ROR1: variants seen among roughly 807,000 people sequenced by gnomAD.
ROR1 encodes inactive tyrosine-protein kinase transmembrane receptor ROR1.
A neutral mutation model predicts 78.8 loss-of-function variants in ROR1; 19 were observed. That is an observed-to-expected ratio of 0.24 (90% CI 0.17 to 0.35). ROR1 has a LOEUF of 0.35. Among genes scored for constraint, ROR1 ranks in the 10% least tolerant of loss-of-function variants. ROR1 has a pLI of 1.00. For missense variants in ROR1, 917 were observed against 1,177.8 expected (o/e 0.78, Z 3.24); for synonymous variants, 386 against 433.6 (o/e 0.89, Z 1.36).
rs1017972339 is a variant in ROR1, at chr1:64,181,273, C to A, written c.*2418C>A. ...ATATATAATGGCAATTTTCAGATAT[C>A]TCACCTTACCATATCTTTCCTTATT... On this transcript the variant is annotated 3_prime_UTR_variant, in exon 9 of 9. Transcript: ENST00000371079. 3.3e-5 allele frequency: 5 copies of A among 152,052 alleles called. No individual in the cohort carries two copies. Among genetic ancestry groups the A allele is most frequent in the Admixed American group, 6.5e-5 (1 of 15,276 alleles). The allele number at this position is 152,052 out of a possible 1,614,324, so 9.4% of individuals were successfully genotyped here.
At chr1:63,926,087 T>C (rs1353126411) in intron 1 of ROR1, among the ~76,000 whole-genome samples, 3 of 152,198 alleles carry the variant, frequency 2.0e-5, no homozygotes, top group South Asian at 2.1e-4. Context: ...GAAGTCCTTG[T>C]CCATGCCTAA....
At chr1:63,802,125 C>T (rs978011511) in intron 1 of ROR1, among the ~76,000 whole-genome samples, 16 of 152,140 alleles carry the variant, frequency 1.1e-4, no homozygotes, top group Non-Finnish European at 1.8e-4. Flanking sequence ...AGCAACAACT[C>T]GTCTTATACT....
intron 8 of ROR1, among the ~76,000 whole-genome samples, chr1:64,160,507 C>T (rs1406176070): frequency 6.6e-6 from 1 of 151,850 alleles, no homozygotes; most frequent in Non-Finnish European, 1.5e-5. Context: ...TCCTGAAGAC[C>T]ATAGAGTTCA....
At chr1:63,965,322 AAG>A (rs1646065015) in intron 1 of ROR1, among the ~76,000 whole-genome samples, 3 of 152,280 alleles carry the variant, frequency 2.0e-5, no homozygotes, top group African/African-American at 7.2e-5. Flanking sequence ...GCTGGACCAG[AAG>A]AGTGAGACCA....
chr1:64,007,281 G>C (rs897112933), intron 1 of ROR1, among the ~76,000 whole-genome samples: 2 of 152,090 alleles, frequency 1.3e-5, no homozygotes, highest in African/African-American at 4.8e-5. Flanking sequence ...ACACTGGATT[G>C]AAGTAGGAGG....
intron 1 of ROR1, among the ~76,000 whole-genome samples, chr1:63,927,873 C>A (rs578245895): frequency 3.3e-5 from 5 of 152,118 alleles, no homozygotes; most frequent in African/African-American, 1.2e-4. Context: ...TTGGTTGATG[C>A]TCTTTTCAAT....
intron 4 of ROR1, among the ~76,000 whole-genome samples, chr1:64,072,494 T>C (rs1647012387): frequency 6.6e-6 from 1 of 152,156 alleles, no homozygotes; most frequent in African/African-American, 2.4e-5. Context: ...CCATGTATTG[T>C]GTACCAGATG....
At chr1:64,133,549 G>A (rs1432107050) in intron 4 of ROR1, among the ~76,000 whole-genome samples, 7 of 152,306 alleles carry the variant, frequency 4.6e-5, no homozygotes, top group Non-Finnish European at 1.5e-5. Context: ...CAGAGAATAT[G>A]GCAGGTTGTA....
intron 1 of ROR1, among the ~76,000 whole-genome samples, chr1:63,949,970 A>G (rs1045171335): frequency 1.3e-5 from 2 of 152,140 alleles, no homozygotes; most frequent in Non-Finnish European, 2.9e-5. Context: ...TTTTGTAAGT[A>G]TCTTGAAGAT....
At chr1:63,995,370 C>T (rs1385388095) in intron 1 of ROR1, among the ~76,000 whole-genome samples, 2 of 152,140 alleles carry the variant, frequency 1.3e-5, no homozygotes, top group Non-Finnish European at 2.9e-5. Flanking sequence ...AAAGAGACCT[C>T]CTGTACTTTT....
intron 2 of ROR1, among the ~76,000 whole-genome samples, chr1:64,032,683 C>T (rs1646671223): frequency 6.6e-6 from 1 of 152,124 alleles, no homozygotes. Context: ...AGCAGTCAGC[C>T]CCATCAGAGC....
chr1:63,940,893 A>T (rs1030411944), intron 1 of ROR1, among the ~76,000 whole-genome samples: 1 of 152,212 alleles, frequency 6.6e-6, no homozygotes, highest in East Asian at 1.9e-4. Flanking sequence ...GTCCAGATGC[A>T]GGTACGTGAT....
intron 1 of ROR1, among the ~76,000 whole-genome samples, chr1:63,781,540 C>T (rs535046165): frequency 6.6e-6 from 1 of 152,244 alleles, no homozygotes; most frequent in Admixed American, 6.5e-5. Flanking sequence ...AACTATCTCT[C>T]CCACAAGTGA....
intron 5 of ROR1, among the ~76,000 whole-genome samples, chr1:64,139,265 G>A (rs1260031660): frequency 6.6e-6 from 1 of 150,842 alleles, no homozygotes; most frequent in East Asian, 1.9e-4. Context: ...ATGGGTATCA[G>A]CCTGGTGGAA....
At chr1:64,128,344 C>A (rs371492249) in intron 4 of ROR1, among the ~76,000 whole-genome samples, 1 of 151,556 alleles carries the variant, frequency 6.6e-6, no homozygotes, top group Non-Finnish European at 1.5e-5. Flanking sequence ...TGGCACAAGC[C>A]TGTAGTTACA....
intron 1 of ROR1, among the ~76,000 whole-genome samples, chr1:63,834,311 C>T (rs1480405629): frequency 1.3e-5 from 2 of 151,810 alleles, no homozygotes; most frequent in Admixed American, 6.6e-5. Context: ...CTTTTGTACC[C>T]TTAGATGAAT....
intron 1 of ROR1, among the ~76,000 whole-genome samples, chr1:63,826,806 C>T (rs188184069): frequency 6.6e-6 from 1 of 152,150 alleles, no homozygotes; most frequent in Admixed American, 6.5e-5. Context: ...ACCTCACCAG[C>T]ATCAGTTATT....
chr1:64,084,571 T>G (rs1647134489), intron 4 of ROR1, among the ~76,000 whole-genome samples: 1 of 152,202 alleles, frequency 6.6e-6, no homozygotes, highest in African/African-American at 2.4e-5. Context: ...ATCCATGGCA[T>G]TTCTCATTAG....
At chr1:64,096,013 T>C (rs1046995742) in intron 4 of ROR1, among the ~76,000 whole-genome samples, 1 of 150,830 alleles carries the variant, frequency 6.6e-6, no homozygotes, top group Admixed American at 6.6e-5. Flanking sequence ...AAGTATACTT[T>C]TGTACTAGGA....
Sources: gnomAD v4.1 joint callset for allele counts (sites outside exome capture counted in the v4.1 genomes callset) on GRCh38, gnomAD v4.1.1 for gene constraint, MANE v1.5 for transcripts, NCBI Gene and HGNC (gene_info 2026-07-23, HGNC 2026-07-21) for gene names.